Variants in STIM2 observed in about 807,000 individuals in gnomAD.
The protein encoded by STIM2 is stromal interaction molecule 2.
In STIM2, 31 loss-of-function variants were observed where a neutral mutation model predicts 85.8. That is an observed-to-expected ratio of 0.36 (90% CI 0.27 to 0.49). STIM2 has a LOEUF of 0.49. Ranked by LOEUF, STIM2 falls within the 20% of genes least tolerant of loss-of-function variation. The pLI is 0.98. For missense variants in STIM2, 841 were observed against 927.6 expected (o/e 0.91, Z 1.21); for synonymous variants, 356 against 331.1 (o/e 1.08, Z -0.82).
chr4:26,985,667 A>G (rs1727555382), intron 3 of STIM2, among the ~76,000 whole-genome samples: 2 of 152,164 alleles, frequency 1.3e-5, no homozygotes, highest in Admixed American at 1.3e-4. Flanking sequence ...TATGTTTGTA[A>G]CACATACTGT....
chr4:27,000,186 C>T (rs555575078), intron 5 of STIM2, among the ~76,000 whole-genome samples: 1 of 152,016 alleles, frequency 6.6e-6, no homozygotes, highest in Non-Finnish European at 1.5e-5. Context: ...TTCTATGATA[C>T]CATCTTGGGA....
At chr4:26,886,046 GAAGTTGTGGCTATGTGAGCTCAT>G (rs1304399303) in intron 1 of STIM2, among the ~76,000 whole-genome samples, 1 of 151,632 alleles carries the variant, frequency 6.6e-6, no homozygotes, top group African/African-American at 2.4e-5. Flanking sequence ...GACAAACAAG[GAAGTTGTGGCTATGTGAGCTCAT>G]AATTTGAGGT....
intron 10 of STIM2, among the ~76,000 whole-genome samples, chr4:27,017,050 A>G (rs149476834): frequency 6.6e-6 from 1 of 152,340 alleles, no homozygotes; most frequent in Non-Finnish European, 1.5e-5. Flanking sequence ...ATGTTCGTTC[A>G]GTTAAGAGTA....
chr4:26,869,340 G>C (rs1191204241), intron 1 of STIM2, among the ~76,000 whole-genome samples: 4 of 150,634 alleles, frequency 2.7e-5, no homozygotes, highest in Non-Finnish European at 4.4e-5. Context: ...AAGTTTGTTT[G>C]GTTCTAGGTC....
chr4:26,874,831 A>G (rs1374476150), intron 1 of STIM2, among the ~76,000 whole-genome samples: 1 of 152,222 alleles, frequency 6.6e-6, no homozygotes, highest in Non-Finnish European at 1.5e-5. Flanking sequence ...TAGACAGCAG[A>G]CACTTTTTAG....
chr4:26,933,733 C>CAAAAAAAAAAAA (rs771503772), intron 2 of STIM2, among the ~76,000 whole-genome samples: 8 of 47,748 alleles, frequency 1.7e-4, no homozygotes, highest in Middle Eastern at 0.014. Context: ...GACCTGATCT[C>CAAAAAAAAAAAA]AAAAAAAAAA....
intron 3 of STIM2, among the ~76,000 whole-genome samples, chr4:26,977,197 G>T (rs746540486): frequency 6.6e-6 from 1 of 152,120 alleles, no homozygotes; most frequent in Non-Finnish European, 1.5e-5. Context: ...AAGGCTTACG[G>T]CTGACACAAC....
At chr4:26,916,941 T>C (rs888670782) in intron 1 of STIM2, among the ~76,000 whole-genome samples, 35 of 152,176 alleles carry the variant, frequency 2.3e-4, no homozygotes, top group African/African-American at 8.2e-4. Context: ...TACTCTCTTA[T>C]CTCTTTAATT....
At chr4:26,952,064 G>A (rs1188076312) in intron 2 of STIM2, among the ~76,000 whole-genome samples, 1 of 152,114 alleles carries the variant, frequency 6.6e-6, no homozygotes, top group Non-Finnish European at 1.5e-5. Flanking sequence ...TTACTACCAC[G>A]AGAACAGTAT....
intron 1 of STIM2, among the ~76,000 whole-genome samples, chr4:26,888,131 A>C (rs1190760533): frequency 6.6e-6 from 1 of 152,248 alleles, no homozygotes; most frequent in South Asian, 2.1e-4. Flanking sequence ...CACCCAGGTT[A>C]GTGTTTGATT....
chr4:26,960,359 G>A (rs1329592749), intron 3 of STIM2, among the ~76,000 whole-genome samples: 1 of 151,844 alleles, frequency 6.6e-6, no homozygotes, highest in African/African-American at 2.4e-5. Context: ...AAGTGTGTAT[G>A]TTTGTGTGTA....
At chr4:26,865,625 G>T (rs1267546695) in intron 1 of STIM2, among the ~76,000 whole-genome samples, 2 of 152,084 alleles carry the variant, frequency 1.3e-5, no homozygotes, top group Admixed American at 6.6e-5. Flanking sequence ...TAATATGATA[G>T]TTAATGTATA....
rs966906039 is a variant in STIM2 at position 26,861,357 on chromosome 4, G to A, written c.139G>A (p.Ala47Thr). 6.6e-6 allele frequency: 9 copies of A among 1,355,498 alleles called. No homozygotes were observed. In the African/African-American group the frequency reaches 1.4e-4, roughly 21 times the overall value. 84.0% of individuals were successfully genotyped at this position (1,355,498 alleles called of 1,614,324 possible). ...CGCCGCGGCGGCCGGCGATAGCCCG[G>A]CGCTCATGACAGGTGAGGGGCCGGG... is the stretch of plus-strand genomic sequence containing the variant. The change falls in exon 1 of 12, where the codon GCG becomes ACG. Residue 47 changes from alanine (A) to threonine (T), a missense_variant. Ala to Thr is a moderately conservative substitution (Grantham distance 58, BLOSUM62 0). Around this residue, in one of 3 missense-constraint regions of STIM2, gnomAD observed 140 missense variants for 117.7 expected, o/e 1.19. Transcript: ENST00000467087.
intron 2 of STIM2, among the ~76,000 whole-genome samples, chr4:26,932,740 C>T (rs1725249385): frequency 6.6e-6 from 1 of 152,138 alleles, no homozygotes; most frequent in South Asian, 2.1e-4. Flanking sequence ...TGGAGCTAAG[C>T]AGCAGCAGCA....
At chr4:26,988,705 A>G (rs1175051108) in intron 3 of STIM2, among the ~76,000 whole-genome samples, 1 of 152,192 alleles carries the variant, frequency 6.6e-6, no homozygotes. Flanking sequence ...TGTCTACTTA[A>G]AAGGCTTATT....
At chr4:26,891,563 AC>A (rs1396865061) in intron 1 of STIM2, among the ~76,000 whole-genome samples, 6 of 33,762 alleles carry the variant, frequency 1.8e-4, no homozygotes, top group Admixed American at 7.5e-4. Context: ...ATACATACAC[AC>A]ACACACACAC....
At chr4:26,891,691 T>C (rs1041638518) in intron 1 of STIM2, among the ~76,000 whole-genome samples, 4 of 152,100 alleles carry the variant, frequency 2.6e-5, no homozygotes, top group Non-Finnish European at 5.9e-5. Flanking sequence ...AAGGAATATG[T>C]TGCCTTCCAA....
chr4:26,864,591 A>G (rs1291871115), intron 1 of STIM2, among the ~76,000 whole-genome samples: 1 of 152,124 alleles, frequency 6.6e-6, no homozygotes, highest in Admixed American at 6.5e-5. Flanking sequence ...ATTTGCCTCT[A>G]TCCTTTTAAA....
chr4:26,989,826 C>G (rs1727703371), intron 3 of STIM2, among the ~76,000 whole-genome samples: 1 of 152,028 alleles, frequency 6.6e-6, no homozygotes, highest in South Asian at 2.1e-4. Flanking sequence ...GCAGAGATCA[C>G]TCTGAAAAAG....
Sources: gnomAD v4.1 joint callset for allele counts (sites outside exome capture counted in the v4.1 genomes callset) on GRCh38, gnomAD v4.1.1 for gene constraint, gnomAD v4.1.1 regional missense constraint, MANE v1.5 for transcripts, NCBI Gene and HGNC (gene_info 2026-07-23, HGNC 2026-07-21) for gene names.